The following ULK2 variants were observed in gnomAD, a reference collection of about 807,000 sequenced individuals.
ULK2 encodes serine/threonine-protein kinase ULK2.
ULK2 carries 76 observed loss-of-function variants against 127.5 expected under a neutral mutation model. That is an observed-to-expected ratio of 0.60 (90% CI 0.50 to 0.72). The LOEUF (loss-of-function observed/expected upper bound fraction) is 0.72. ULK2 is among the 30% of genes least tolerant of loss of function. The pLI, the probability that ULK2 is intolerant of heterozygous loss-of-function variation, is 0.00. For missense variants in ULK2, 1,144 were observed against 1,295.9 expected, an observed-to-expected ratio of 0.88 and a Z score of 1.80; for synonymous variants, 452 against 461.9, an observed-to-expected ratio of 0.98 and a Z score of 0.28.
chr17:19,790,060 G>C (rs924656513), intron 20 of ULK2, among the ~76,000 whole-genome samples: 2 of 152,146 alleles, frequency 1.3e-5, no homozygotes, highest in African/African-American at 4.8e-5. Context: ...AAGAAGCAAG[G>C]AGATAGAGTA....
At chr17:19,835,577 C>G (rs1190414736) in intron 10 of ULK2, among the ~76,000 whole-genome samples, 10 of 150,742 alleles carry the variant, frequency 6.6e-5, no homozygotes, top group African/African-American at 2.4e-4. Flanking sequence ...ATTAGCCAGG[C>G]GTGGTGGCAG....
intron 13 of ULK2, among the ~76,000 whole-genome samples, chr17:19,814,848 A>G (rs1465789787): frequency 6.6e-6 from 1 of 152,150 alleles, no homozygotes; most frequent in East Asian, 1.9e-4. Context: ...TGCCTGGCTC[A>G]TTACATTTTG....
At position 19,831,027 on chromosome 17, in the gene ULK2, T is replaced by TAAAA. The variant is rs10658733; in HGVS notation, c.788-4845_788-4842dup. ...GGGTGACAGAGCAAGACTCCGTCGCTAAAAAAAAAAAAAAAACTACCTGAG... is the reference window on the plus strand; with the variant it reads ...GGGTGACAGAGCAAGACTCCGTCGCTAAAAAAAAAAAAAAAAAAAACTACCTGAG... On this transcript the variant is annotated intron_variant, in intron 10 of 26. Transcript: ENST00000395544. Among the ~76,000 whole-genome samples, 27 of 136,874 alleles carry TAAAA rather than the reference T, an allele frequency of 2.0e-4. 3 individuals carry two copies. The highest frequency in any genetic ancestry group is 1.5e-4 in the Non-Finnish European group (10 of 64,748). 89.8% of individuals were successfully genotyped at this position (136,874 alleles called of 152,430 possible).
Position 19,856,743 on chromosome 17 carries a change from C to A in ULK2, c.226-6969G>T, listed in dbSNP as rs180876481. Among the ~76,000 whole-genome samples the A allele has an allele frequency of 1.9e-3, 291 of 151,652 alleles. 4 individuals are homozygous for A. The East Asian group carries it at 0.028, about 15-fold the overall frequency. On this transcript the variant is annotated intron_variant, in intron 3 of 26. Coordinates refer to ENST00000395544, the MANE Select transcript of ULK2 (RefSeq NM_014683.4). ...ATCCCAGCACTTTGGGTGGCCGAGG[C>A]GGGCAGATCACAAGGTCAGGAGATC...
chr17:19,800,280 C>T (rs1220769857), intron 16 of ULK2, among the ~76,000 whole-genome samples: 3 of 152,166 alleles, frequency 2.0e-5, no homozygotes, highest in Non-Finnish European at 2.9e-5. Context: ...ATGTTCTATG[C>T]ATCCATTTCT....
Position 19,775,112 on chromosome 17 carries a change from T to G in ULK2, c.*1237A>C, listed in dbSNP as rs2086791489. On this transcript the variant is annotated 3_prime_UTR_variant, in exon 27 of 27. Coordinates refer to ENST00000395544, the MANE Select transcript of ULK2 (RefSeq NM_014683.4). ...AAGGATTAAAATAAAAGGATTAAAA[T>G]TGGTGAATGGTTTATTCAAGTATTC... 1 of 152,634 alleles carries G rather than the reference T, an allele frequency of 6.6e-6. No homozygotes were observed. Among genetic ancestry groups the G allele is most frequent in the Non-Finnish European group, 1.5e-5 (1 of 68,048 alleles). The allele number at this position is 152,634 out of a possible 1,614,324, so 9.5% of individuals were successfully genotyped here. A position where few individuals can be genotyped will look rare whatever the true frequency, so the allele number is the denominator to read the frequency against.
chr17:19,826,175 T>G lies in ULK2; in HGVS notation c.799A>C (p.Ser267Arg). ...KDRMDFEAFF[S>R]HPFLEQGPVK... ...GGACCTTGCTCAAGAAAAGGATGGC[T>G]AAAAAATGCTTCTGTAACAAGAAAT... Residue 267 changes from serine (S) to arginine (R), a missense_variant, in exon 11 of 27, where the codon AGC becomes CGC. This residue lies in a region of ULK2 where 913 missense variants were observed against 970.5 expected (regional missense o/e 0.94). Coordinates refer to ENST00000395544, the MANE Select transcript of ULK2 (RefSeq NM_014683.4). 1 of 1,474,478 alleles carries G rather than the reference T, an allele frequency of 6.8e-7. No homozygotes were observed. Among genetic ancestry groups the G allele is most frequent in the Non-Finnish European group, 9.1e-7 (1 of 1,102,480 alleles). 91.3% of individuals were successfully genotyped at this position (1,474,478 alleles called of 1,614,324 possible).
At chr17:19,842,190 C>CTTTT (rs869294657) in intron 8 of ULK2, among the ~76,000 whole-genome samples, 36 of 88,368 alleles carry the variant, frequency 4.1e-4, no homozygotes, top group East Asian at 1.2e-3. Context: ...TTTTCTTTTT[C>CTTTT]TTTTTTTTTT....
intron 3 of ULK2, among the ~76,000 whole-genome samples, chr17:19,851,362 G>A (rs929892225): frequency 2.1e-5 from 3 of 145,004 alleles, no homozygotes; most frequent in Non-Finnish European, 4.5e-5. Flanking sequence ...ATTAGGCTGG[G>A]CACAGTGGCT....
At chr17:19,848,400 C>T (rs1299301429) in intron 5 of ULK2, 2 of 152,156 alleles carry the variant, frequency 1.3e-5, no homozygotes, top group Admixed American at 6.6e-5. Flanking sequence ...AAGTGAAATA[C>T]TGTGGTTTTA....
intron 23 of ULK2, 142 bp from the exon 24 acceptor site, chr17:19,781,246 T>C (rs999424231): frequency 3.1e-4 from 167 of 540,662 alleles, no homozygotes; most frequent in Admixed American, 2.2e-4. Flanking sequence ...TCTTTTCTTT[T>C]TTTTTTTTTT....
At chr17:19,802,044 T>A (rs560089739) in intron 15 of ULK2, 122 bp from the exon 16 acceptor site, 10 of 1,110,698 alleles carry the variant, frequency 9.0e-6, no homozygotes, top group Non-Finnish European at 1.2e-5. Flanking sequence ...TACAGTCACA[T>A]GGAACAATTA....
intron 3 of ULK2, among the ~76,000 whole-genome samples, chr17:19,859,431 A>C (rs1313710427): frequency 6.6e-6 from 1 of 152,188 alleles, no homozygotes; most frequent in Non-Finnish European, 1.5e-5. Context: ...AGGCAAGAGA[A>C]TCACTTGAAC....
At chr17:19,803,290 A>T (rs548948468) in intron 15 of ULK2, among the ~76,000 whole-genome samples, 1 of 152,320 alleles carries the variant, frequency 6.6e-6, no homozygotes, top group South Asian at 2.1e-4. Context: ...CATCTCACTC[A>T]AAGATTTTTT....
intron 20 of ULK2, among the ~76,000 whole-genome samples, chr17:19,795,338 C>T (rs2087244000): frequency 8.0e-6 from 1 of 124,234 alleles, no homozygotes; most frequent in Non-Finnish European, 1.6e-5. Context: ...ACCAGTATTA[C>T]CCTACTGATA....
intron 3 of ULK2, among the ~76,000 whole-genome samples, chr17:19,863,196 C>A (rs2042279467): frequency 6.7e-6 from 1 of 148,452 alleles, no homozygotes; most frequent in Non-Finnish European, 1.5e-5. Flanking sequence ...GCCTGGGCGA[C>A]AAGAGTGAGA....
chr17:19,831,027 TAAAAAA>T (rs10658733), intron 10 of ULK2, among the ~76,000 whole-genome samples: 2 of 136,932 alleles, frequency 1.5e-5, no homozygotes, highest in African/African-American at 2.7e-5. Flanking sequence ...ACTCCGTCGC[TAAAAAA>T]AAAAAAAAAA....
Position 19,807,382 on chromosome 17 carries a change from G to T in ULK2, c.1158-2552C>A, listed in dbSNP as rs904730864. Among the ~76,000 whole-genome samples, 6 of 152,118 alleles carry T rather than the reference G, an allele frequency of 3.9e-5. No individual in the cohort carries two copies. In the East Asian group the frequency reaches 1.2e-3, roughly 29 times the overall value. On this transcript the variant is annotated intron_variant, in intron 14 of 26. Coordinates refer to ENST00000395544, the MANE Select transcript of ULK2 (RefSeq NM_014683.4). The stretch of plus-strand genomic sequence containing the variant: ...CAGATGGTGCACTCTAATGCACCAT[G>T]GGCTGTGTATGCAGCTGGCCTCCAT...
intron 1 of ULK2, among the ~76,000 whole-genome samples, chr17:19,866,926 GGTCT>G (rs1241918647): frequency 2.6e-5 from 4 of 152,118 alleles, no homozygotes; most frequent in African/African-American, 7.2e-5. Context: ...TTTTCCGCTG[GGTCT>G]GTAATTATCA....
Sources: gnomAD v4.1 joint callset for allele counts (sites outside exome capture counted in the v4.1 genomes callset) on GRCh38, gnomAD v4.1.1 for gene constraint, gnomAD v4.1.1 regional missense constraint, MANE v1.5 for transcripts, NCBI Gene and HGNC (gene_info 2026-07-23, HGNC 2026-07-21) for gene names.